TCERG1L: variants seen among roughly 807,000 people sequenced by gnomAD.
TCERG1L encodes the protein transcription elongation regulator 1 like, also known as transcription elongation regulator 1-like protein.
Under a neutral mutation model 56.3 loss-of-function variants are expected in TCERG1L, and 37 were observed. The ratio of observed to expected loss-of-function variants is 0.66; its 90% CI spans 0.51 to 0.87. TCERG1L has a LOEUF of 0.87. TCERG1L is among the 40% of genes least tolerant of loss of function. The pLI is 0.00. For synonymous variants in TCERG1L, 324 were observed against 326.3 expected (o/e 0.99, Z 0.08); for missense variants, 799 against 774.2 (o/e 1.03, Z -0.38).
intron 4 of TCERG1L, among the ~76,000 whole-genome samples, chr10:131,222,722 A>T (rs544803661): frequency 6.6e-6 from 1 of 152,110 alleles, no homozygotes; most frequent in Non-Finnish European, 1.5e-5. Context: ...CAACAGCCTC[A>T]TTAATGTGGC....
At chr10:131,174,794 A>G (rs965893196) in intron 4 of TCERG1L, among the ~76,000 whole-genome samples, 6 of 152,236 alleles carry the variant, frequency 3.9e-5, no homozygotes, top group Admixed American at 3.3e-4. Context: ...CTTCCTCCAC[A>G]AGAAGGGGTC....
chr10:131,256,987 AGG>A (rs1846172192), intron 4 of TCERG1L, among the ~76,000 whole-genome samples: 919 of 88,086 alleles, frequency 0.01, 1 homozygote, highest in Non-Finnish European at 0.013. Flanking sequence ...GAAGGAAGGA[AGG>A]AAGGAAAGAA....
chr10:131,232,595 C>T (rs1031228322), intron 4 of TCERG1L, among the ~76,000 whole-genome samples: 13 of 152,214 alleles, frequency 8.5e-5, no homozygotes, highest in Non-Finnish European at 1.9e-4. Flanking sequence ...AGTTTTAAAA[C>T]AGGTTTTGTT....
chr10:131,179,008 A>G (rs1845141726), intron 4 of TCERG1L, among the ~76,000 whole-genome samples: 1 of 152,226 alleles, frequency 6.6e-6, no homozygotes, highest in Admixed American at 6.5e-5. Flanking sequence ...GTTCCGTCTC[A>G]TGATGGCACC....
intron 7 of TCERG1L, among the ~76,000 whole-genome samples, chr10:131,137,058 T>C (rs1845683226): frequency 6.6e-6 from 1 of 151,864 alleles, no homozygotes; most frequent in Non-Finnish European, 1.5e-5. Context: ...GAGAATCACT[T>C]GAAAACAGAA....
chr10:131,204,791 C>T (rs2133479940), intron 4 of TCERG1L, among the ~76,000 whole-genome samples: 1 of 152,330 alleles, frequency 6.6e-6, no homozygotes, highest in African/African-American at 2.4e-5. Context: ...ACAGCCTGGC[C>T]CCAGGCAGAA....
Position 131,118,724 on chromosome 10 carries a change from A to C in TCERG1L, c.1260-1790T>G, listed in dbSNP as rs1271519768. On this transcript the variant is annotated intron_variant, in intron 8 of 11. Transcript: ENST00000368642. This position sits in a 1 kb window ranked among gnomAD's most constrained non-coding sequence, Gnocchi z 4.2. ...TATCAAATCCTGCTTTTCCATGCCA[A>C]ATTTGGAATTGAGCCTGGTCTCTTT... Among the ~76,000 whole-genome samples, 2 of 152,110 alleles carry C rather than the reference A, an allele frequency of 1.3e-5. No individual in the cohort carries two copies. Among genetic ancestry groups the C allele is most frequent in the African/African-American group, 4.8e-5 (2 of 41,414 alleles).
At chr10:131,303,140 C>G (rs1025508275) in intron 3 of TCERG1L, among the ~76,000 whole-genome samples, 3 of 151,978 alleles carry the variant, frequency 2.0e-5, no homozygotes, top group African/African-American at 7.3e-5. Flanking sequence ...TGGGTATATA[C>G]CCAGTAATGA....
chr10:131,275,275 C>T (rs756880224), intron 3 of TCERG1L, among the ~76,000 whole-genome samples: 6 of 152,208 alleles, frequency 3.9e-5, no homozygotes, highest in Non-Finnish European at 7.3e-5. Flanking sequence ...TCTCCACACA[C>T]TGGACAGAAT....
chr10:131,125,230 A>G (rs1297209347), intron 8 of TCERG1L, among the ~76,000 whole-genome samples: 2 of 152,190 alleles, frequency 1.3e-5, no homozygotes, highest in African/African-American at 2.4e-5. Flanking sequence ...GGTGGTGGTG[A>G]TGATTCTTCA....
At chr10:131,188,479 C>T (rs1484832954) in intron 4 of TCERG1L, among the ~76,000 whole-genome samples, 1 of 152,178 alleles carries the variant, frequency 6.6e-6, no homozygotes, top group Non-Finnish European at 1.5e-5. Flanking sequence ...TTTACAAAAA[C>T]ATTTTTATTT....
chr10:131,155,331 C>T (rs1034128710), intron 6 of TCERG1L, among the ~76,000 whole-genome samples: 7 of 152,202 alleles, frequency 4.6e-5, no homozygotes, highest in African/African-American at 1.7e-4. Context: ...TAATGAGCCG[C>T]AGGGAAAGAC....
chr10:131,196,039 C>G (rs1461455616), intron 4 of TCERG1L, among the ~76,000 whole-genome samples: 2 of 152,234 alleles, frequency 1.3e-5, no homozygotes, highest in Non-Finnish European at 2.9e-5. Flanking sequence ...GCCAGCTGAA[C>G]AGCAGTGAGT....
chr10:131,245,423 A>T (rs1846021398), intron 4 of TCERG1L, among the ~76,000 whole-genome samples: 1 of 152,034 alleles, frequency 6.6e-6, no homozygotes, highest in Non-Finnish European at 1.5e-5. Flanking sequence ...TTTTTTTTAA[A>T]AAAACTGAGA....
At chr10:131,205,629 C>T (rs969132977) in intron 4 of TCERG1L, among the ~76,000 whole-genome samples, 2 of 152,222 alleles carry the variant, frequency 1.3e-5, no homozygotes, top group Non-Finnish European at 2.9e-5. Context: ...CCATGGCCTT[C>T]CCTTGGCAGG....
At chr10:131,221,228 C>T (rs957560471) in intron 4 of TCERG1L, among the ~76,000 whole-genome samples, 1 of 152,212 alleles carries the variant, frequency 6.6e-6, no homozygotes, top group Non-Finnish European at 1.5e-5. Flanking sequence ...AGCTCCCCTC[C>T]CTGCTGCTGC....
At chr10:131,139,511 G>C (rs1393879038) in intron 7 of TCERG1L, among the ~76,000 whole-genome samples, 3 of 152,196 alleles carry the variant, frequency 2.0e-5, no homozygotes, top group Non-Finnish European at 4.4e-5. Context: ...TAGCCAAGAC[G>C]CATTACAGGT....
chr10:131,161,731 T>C (rs1845979377), intron 6 of TCERG1L: 2 of 152,166 alleles, frequency 1.3e-5, no homozygotes. Flanking sequence ...ACCCTCTGAG[T>C]CCTTTCACTT....
chr10:131,275,683 C>T (rs548513957), intron 3 of TCERG1L, among the ~76,000 whole-genome samples: 15 of 152,216 alleles, frequency 9.9e-5, no homozygotes, highest in Non-Finnish European at 1.6e-4. Flanking sequence ...AACTTACCCA[C>T]GTAACCAACA....
Sources: allele counts gnomAD v4.1 joint callset (sites outside exome capture counted in the v4.1 genomes callset), GRCh38; gene constraint gnomAD v4.1.1; non-coding constraint Gnocchi (gnomAD v3.1); transcripts MANE v1.5; gene names NCBI Gene and HGNC (gene_info 2026-07-23, HGNC 2026-07-21).